Variants in TRAPPC8 observed in about 807,000 individuals in gnomAD.
The protein encoded by TRAPPC8 is general sporulation gene 1 homolog.
TRAPPC8 carries 54 observed loss-of-function variants against 174.3 expected under a neutral mutation model. The observed-to-expected ratio is 0.31, with a 90% confidence interval of 0.25 to 0.39. The LOEUF is 0.39. Ranked by LOEUF, TRAPPC8 falls within the 10% of genes least tolerant of loss-of-function variation. TRAPPC8 has a pLI of 1.00. For synonymous variants in TRAPPC8, 630 were observed against 579.9 expected (o/e 1.09, Z -1.24); for missense variants, 1,531 against 1,699.1 (o/e 0.90, Z 1.74).
intron 19 of TRAPPC8, among the ~76,000 whole-genome samples, chr18:31,859,784 G>A (rs777885724): frequency 1.3e-5 from 2 of 152,168 alleles, no homozygotes; most frequent in African/African-American, 2.4e-5. Flanking sequence ...AGCACTTTGG[G>A]AGGTGGGCAG....
At chr18:31,833,515 T>G (rs2032504799) in intron 27 of TRAPPC8, 1 of 152,276 alleles carries the variant, frequency 6.6e-6, no homozygotes, top group Non-Finnish European at 1.5e-5. Flanking sequence ...GTATCTCATT[T>G]TCCTTACAAG....
intron 19 of TRAPPC8, among the ~76,000 whole-genome samples, chr18:31,859,277 A>G (rs1261148805): frequency 6.6e-6 from 1 of 152,194 alleles, no homozygotes; most frequent in Non-Finnish European, 1.5e-5. Context: ...GGACTTCATT[A>G]TGGCCATATT....
At chr18:31,940,602 G>T (rs958422823) in intron 1 of TRAPPC8, among the ~76,000 whole-genome samples, 3 of 152,098 alleles carry the variant, frequency 2.0e-5, no homozygotes, top group African/African-American at 4.8e-5. Context: ...GGGTTCAAGT[G>T]ATTCTCCTGC....
At position 31,942,605 on chromosome 18, in the gene TRAPPC8, T is replaced by C. The variant is rs753141913; in HGVS notation, c.157+3A>G. 8.2e-6 allele frequency: 13 copies of C among 1,593,834 alleles called. No individual in the cohort carries two copies. Among genetic ancestry groups the C allele is most frequent in the Non-Finnish European group, 1.1e-5 (13 of 1,170,016 alleles). Reference sequence around the variant, plus strand: ...CCACTGGAAAAGGGAGGATACCACATACCCTCGGAAGTGAGGCGGGAGAAG... The same window carrying C: ...CCACTGGAAAAGGGAGGATACCACACACCCTCGGAAGTGAGGCGGGAGAAG... On this transcript the variant is annotated splice_donor_region_variant and intron_variant, in intron 1 of 28. Coordinates refer to ENST00000283351, the MANE Select transcript of TRAPPC8 (RefSeq NM_014939.5).
chr18:31,939,521 T>C (rs983384353), intron 1 of TRAPPC8: 5 of 152,214 alleles, frequency 3.3e-5, no homozygotes, highest in South Asian at 2.1e-4. Context: ...TTTAGACCTT[T>C]TGCCCATACC....
At chr18:31,882,736 C>T (rs2035516380) in intron 12 of TRAPPC8, among the ~76,000 whole-genome samples, 1 of 151,794 alleles carries the variant, frequency 6.6e-6, no homozygotes, top group South Asian at 2.1e-4. Context: ...CCTGCCTCAG[C>T]CTCCCAAGTA....
At chr18:31,936,812 G>A (rs948994140) in intron 1 of TRAPPC8, among the ~76,000 whole-genome samples, 6 of 148,100 alleles carry the variant, frequency 4.1e-5, no homozygotes, top group African/African-American at 1.5e-4. Flanking sequence ...TGAGGCAGGA[G>A]AATTGCTTGA....
rs543829807 is a variant in TRAPPC8, at chr18:31,931,834, C to T, written c.158-311G>A. On this transcript the variant is annotated intron_variant, in intron 1 of 28. Coordinates refer to ENST00000283351, the MANE Select transcript of TRAPPC8 (RefSeq NM_014939.5). ...TACTATCCATACCACTTCCCTTATT[C>T]TCACCTCACACTAAAGCTGGTCCAA... is the stretch of plus-strand genomic sequence containing the variant. Among the ~76,000 whole-genome samples, 19 of 152,304 alleles carry T rather than the reference C, an allele frequency of 1.2e-4. No homozygotes were observed. The East Asian group carries it at 3.1e-3, about 25-fold the overall frequency.
Position 31,854,709 on chromosome 18 carries a change from C to T in TRAPPC8, c.3337-764G>A, listed in dbSNP as rs190255433. ...TTTGGCCGAGCACGGTGGCTCACGC[C>T]TGTAATCCCAGCACTTGGGGAGGCC... On this transcript the variant is annotated intron_variant, in intron 21 of 28. Coordinates refer to ENST00000283351, the MANE Select transcript of TRAPPC8 (RefSeq NM_014939.5). Among the ~76,000 whole-genome samples the T allele has an allele frequency of 1.6e-4, 24 of 152,240 alleles. No individual in the cohort carries two copies. The East Asian group carries it at 3.3e-3, about 21-fold the overall frequency.
intron 11 of TRAPPC8, among the ~76,000 whole-genome samples, chr18:31,891,962 G>C (rs1313113324): frequency 6.6e-6 from 1 of 152,162 alleles, no homozygotes; most frequent in African/African-American, 2.4e-5. Context: ...TAAATGATTA[G>C]ATGATTGCTC....
At chr18:31,864,574 A>G (rs2034496110) in intron 19 of TRAPPC8, 53 bp downstream of exon 19, 1 of 1,550,008 alleles carries the variant, frequency 6.5e-7, no homozygotes, top group Non-Finnish European at 8.8e-7. Flanking sequence ...TTTACTCAGA[A>G]TATTTGCTCA....
chr18:31,830,515 C>T lies in TRAPPC8; in HGVS notation c.*240G>A. On this transcript the variant is annotated 3_prime_UTR_variant, in exon 29 of 29. Transcript: ENST00000283351. ...GGGCTTAATAAGGTGCACAAATATG[C>T]TGATATCCTGTATTATGAGCATGTA... The T allele has an allele frequency of 2.1e-6, 1 of 484,316 alleles. No homozygotes were observed. The highest frequency in any genetic ancestry group is 3.7e-6 in the Non-Finnish European group (1 of 272,562). 30.0% of individuals were successfully genotyped at this position (484,316 alleles called of 1,614,324 possible).
chr18:31,867,025 T>C (rs913856962), intron 17 of TRAPPC8, 50 bp from the exon 18 acceptor site: 8 of 1,588,802 alleles, frequency 5.0e-6, no homozygotes, highest in Non-Finnish European at 6.9e-6. Context: ...ATATCTTAAA[T>C]AGCACAATAC....
intron 14 of TRAPPC8, among the ~76,000 whole-genome samples, chr18:31,873,111 G>A (rs890566694): frequency 1.4e-5 from 2 of 144,190 alleles, no homozygotes; most frequent in South Asian, 2.2e-4. Flanking sequence ...TCCGCCTCCC[G>A]GGTTCACGCC....
intron 21 of TRAPPC8, 128 bp downstream of exon 21, chr18:31,855,532 T>C (rs1263941646): frequency 4.1e-6 from 3 of 738,266 alleles, no homozygotes; most frequent in Non-Finnish European, 4.3e-6. Context: ...TTTCATACTA[T>C]TCTACATGAA....
chr18:31,920,777 C>A (rs2037350721), intron 2 of TRAPPC8, among the ~76,000 whole-genome samples: 1 of 151,828 alleles, frequency 6.6e-6, no homozygotes, highest in South Asian at 2.1e-4. Flanking sequence ...GCTGTCTCTA[C>A]TAAAAATGCA....
In TRAPPC8 at chr18:31,887,091, T is replaced by C. The variant is rs118094616; in HGVS notation, c.1728+3644A>G. Among the ~76,000 whole-genome samples, 1,356 of 152,306 alleles carry C rather than the reference T, an allele frequency of 8.9e-3. 71 individuals carry two copies. The highest frequency in any genetic ancestry group is 0.07 in the Admixed American group (1,067 of 15,298). ...TCACTCATCCCTACCAATACAACCC[T>C]GTTTTAAATTCAAATGTCATGAAAA... On this transcript the variant is annotated intron_variant, in intron 12 of 28. Transcript: ENST00000283351.
chr18:31,921,249 A>G lies in TRAPPC8; in HGVS notation c.353-3582T>C, dbSNP rs554449241. ...TAACAGAATAAATCTACTACATTTA[A>G]TTATCTATACAAGAGAGAAGAGAAA... On this transcript the variant is annotated intron_variant, in intron 2 of 28. Coordinates refer to ENST00000283351, the MANE Select transcript of TRAPPC8 (RefSeq NM_014939.5). Among the ~76,000 whole-genome samples, 5 of 152,298 alleles carry G rather than the reference A, an allele frequency of 3.3e-5. 1 individual carries two copies. The highest frequency in any genetic ancestry group is 1.2e-4 in the African/African-American group (5 of 41,564).
intron 12 of TRAPPC8, among the ~76,000 whole-genome samples, chr18:31,879,107 G>A (rs1357963363): frequency 2.6e-5 from 4 of 152,010 alleles, no homozygotes; most frequent in African/African-American, 4.8e-5. Context: ...GAATTAAATC[G>A]GACTTTTGAC....
Sources: gnomAD v4.1 joint callset for allele counts (sites outside exome capture counted in the v4.1 genomes callset) on GRCh38, gnomAD v4.1.1 for gene constraint, MANE v1.5 for transcripts, NCBI Gene and HGNC (gene_info 2026-07-23, HGNC 2026-07-21) for gene names.